SPIDR: variants seen among roughly 807,000 people sequenced by gnomAD.
The protein encoded by SPIDR is scaffold protein involved in DNA repair, also known as DNA repair-scaffolding protein.
A neutral mutation model predicts 104.6 loss-of-function variants in SPIDR; 93 were observed. The observed-to-expected ratio is 0.89, with a 90% CI of 0.75 to 1.06. The LOEUF (loss-of-function observed/expected upper bound fraction) is 1.06, where lower values mean the gene tolerates loss of function less well. Among genes scored for constraint, SPIDR ranks in the 50% least tolerant of loss-of-function variants. The probability of loss-of-function intolerance (pLI) is 0.00; values close to 1 mark genes in which losing one functional copy is unlikely to be tolerated. For missense variants in SPIDR, 1,154 were observed against 1,111.2 expected (o/e 1.04, Z -0.55); for synonymous variants, 431 against 416.9 (o/e 1.03, Z -0.41).
chr8:47,309,504 C>CT (rs1554583559), intron 5 of SPIDR, among the ~76,000 whole-genome samples: 2 of 152,164 alleles, frequency 1.3e-5, no homozygotes, highest in African/African-American at 4.8e-5. Flanking sequence ...CATCATCTCC[C>CT]TTCTTGTATA....
intron 8 of SPIDR, among the ~76,000 whole-genome samples, chr8:47,526,885 A>G (rs2085075029): frequency 6.6e-6 from 1 of 152,222 alleles, no homozygotes; most frequent in Non-Finnish European, 1.5e-5. Flanking sequence ...ATTGGAGCAA[A>G]TGACAGGCAA....
chr8:47,273,715 T>A (rs2035803224), intron 1 of SPIDR, among the ~76,000 whole-genome samples: 2 of 151,846 alleles, frequency 1.3e-5, no homozygotes, highest in African/African-American at 4.8e-5. Flanking sequence ...TACCGCAGCC[T>A]CCTGAGCAGC....
At chr8:47,723,419 T>C (rs369292658) in intron 16 of SPIDR, among the ~76,000 whole-genome samples, 339 of 151,512 alleles carry the variant, frequency 2.2e-3, no homozygotes, top group African/African-American at 7.5e-3. Flanking sequence ...AAAATATCAA[T>C]TATACTTTTT....
intron 7 of SPIDR, among the ~76,000 whole-genome samples, chr8:47,433,665 C>G (rs1362762748): frequency 2.6e-5 from 4 of 152,286 alleles, no homozygotes; most frequent in Non-Finnish European, 5.9e-5. Flanking sequence ...TGACCTAAGT[C>G]TGAGATATTC....
chr8:47,692,321 G>A (rs915759275), intron 11 of SPIDR, among the ~76,000 whole-genome samples: 5 of 151,738 alleles, frequency 3.3e-5, no homozygotes, highest in Admixed American at 6.6e-5. Flanking sequence ...CAGGAGCTCC[G>A]CACTTTCTCT....
rs113721450 is a variant in SPIDR, at chr8:47,644,618, A to G, written c.1545-29183A>G. Among the ~76,000 whole-genome samples, 226 of 152,348 alleles carry G rather than the reference A, an allele frequency of 1.5e-3. 1 individual carries two copies. Among genetic ancestry groups the G allele is most frequent in the South Asian group, 4.1e-3 (20 of 4,824 alleles). The stretch of plus-strand genomic sequence containing the variant: ...ATACTTTACTTTTCTCATTTGTAAA[A>G]TGGAGGTTATGATGGTATCTCCTTA... On this transcript the variant is annotated intron_variant, in intron 10 of 19. Transcript: ENST00000297423.
intron 7 of SPIDR, among the ~76,000 whole-genome samples, chr8:47,409,164 G>A (rs782177684): frequency 3.3e-5 from 5 of 152,126 alleles, no homozygotes; most frequent in Admixed American, 6.5e-5. Context: ...CCAGCCTGGC[G>A]ACAGAGTGAG....
intron 7 of SPIDR, among the ~76,000 whole-genome samples, 168 bp from the exon 8 acceptor site, chr8:47,440,155 T>C (rs948960562): frequency 6.6e-6 from 1 of 152,234 alleles, no homozygotes; most frequent in Non-Finnish European, 1.5e-5. Context: ...AAAAGTGTTA[T>C]AGTGAGCATC....
At chr8:47,479,404 G>T (rs1046184388) in intron 8 of SPIDR, among the ~76,000 whole-genome samples, 9 of 152,038 alleles carry the variant, frequency 5.9e-5, no homozygotes, top group Admixed American at 2.6e-4. Flanking sequence ...GACATGTGGA[G>T]CACAATTCTG....
intron 8 of SPIDR, chr8:47,511,694 C>T: frequency 1.0e-6 from 1 of 959,442 alleles, no homozygotes; most frequent in Non-Finnish European, 1.7e-6. Flanking sequence ...CCATCTCCGG[C>T]AAATGGTCTT....
At chr8:47,581,075 C>G (rs1219250102) in intron 8 of SPIDR, among the ~76,000 whole-genome samples, 1 of 152,194 alleles carries the variant, frequency 6.6e-6, no homozygotes, top group Non-Finnish European at 1.5e-5. Flanking sequence ...AAAGCCCCTT[C>G]TCTCACAGAG....
intron 4 of SPIDR, among the ~76,000 whole-genome samples, chr8:47,293,253 A>G (rs1586463920): frequency 6.6e-6 from 1 of 151,942 alleles, no homozygotes; most frequent in Admixed American, 6.6e-5. Flanking sequence ...CCTCTTAATT[A>G]TGTTTAGTGA....
At chr8:47,357,631 A>G (rs1249221244) in intron 5 of SPIDR, among the ~76,000 whole-genome samples, 1 of 152,188 alleles carries the variant, frequency 6.6e-6, no homozygotes, top group Non-Finnish European at 1.5e-5. Context: ...TCCTCACCAT[A>G]TAATTTTTGG....
intron 11 of SPIDR, among the ~76,000 whole-genome samples, chr8:47,679,325 A>G (rs1350083757): frequency 6.6e-6 from 1 of 152,230 alleles, no homozygotes; most frequent in African/African-American, 2.4e-5. Context: ...TAGATGCATC[A>G]TACAAGGGCT....
intron 6 of SPIDR, among the ~76,000 whole-genome samples, chr8:47,401,358 G>C (rs1655674358): frequency 6.6e-6 from 1 of 152,186 alleles, no homozygotes; most frequent in South Asian, 2.1e-4. Context: ...GGAGCAACTG[G>C]TACCAGCCAC....
At chr8:47,432,207 TA>T (rs1476628252) in intron 7 of SPIDR, among the ~76,000 whole-genome samples, 1 of 152,344 alleles carries the variant, frequency 6.6e-6, no homozygotes, top group African/African-American at 2.4e-5. Flanking sequence ...AAAAACAATA[TA>T]AACAAGTAAA....
intron 5 of SPIDR, among the ~76,000 whole-genome samples, chr8:47,357,544 ATT>A (rs1362438581): frequency 6.6e-6 from 1 of 151,894 alleles, no homozygotes; most frequent in Non-Finnish European, 1.5e-5. Context: ...TATTTATCTT[ATT>A]TTTCGTCCAT....
At chr8:47,446,863 G>T (rs1044816953) in intron 8 of SPIDR, among the ~76,000 whole-genome samples, 34 of 152,294 alleles carry the variant, frequency 2.2e-4, no homozygotes, top group Admixed American at 2.0e-4. Context: ...GGGATTACAG[G>T]TGTGAACTAC....
chr8:47,498,185 G>T lies in SPIDR; in HGVS notation c.1097+57643G>T, dbSNP rs1439159184. Among the ~76,000 whole-genome samples the T allele has an allele frequency of 3.3e-5, 5 of 152,224 alleles. No individual in the cohort carries two copies. In the South Asian group the frequency reaches 6.2e-4, roughly 19 times the overall value. ...GGACAGATGATGCCTCTCTCTCTCTGTCTCTCTTTCTCTCCCTTGTTTTGG... is the reference window on the plus strand; with the variant it reads ...GGACAGATGATGCCTCTCTCTCTCTTTCTCTCTTTCTCTCCCTTGTTTTGG... On this transcript the variant is annotated intron_variant, in intron 8 of 19. Transcript: ENST00000297423.
Sources: allele counts gnomAD v4.1 joint callset (sites outside exome capture counted in the v4.1 genomes callset), GRCh38; gene constraint gnomAD v4.1.1; transcripts MANE v1.5; gene names NCBI Gene and HGNC (gene_info 2026-07-23, HGNC 2026-07-21).